DOP1B: variants seen among roughly 807,000 people sequenced by gnomAD.
DOP1B encodes protein DOP1B.
DOP1B carries 174 observed loss-of-function variants against 233.5 expected under a neutral mutation model. That is an observed-to-expected ratio of 0.75 (90% confidence interval 0.66 to 0.85). The LOEUF is 0.85. Among genes scored for constraint, DOP1B ranks in the 40% least tolerant of loss-of-function variants. The pLI is 0.00. For synonymous variants in DOP1B, 1,190 were observed against 1,185.6 expected (o/e 1.00, Z -0.08); for missense variants, 2,652 against 2,846.6 (o/e 0.93, Z 1.56).
intron 18 of DOP1B, 148 bp from the exon 19 acceptor site, chr21:36,244,899 TG>T: frequency 1.3e-6 from 1 of 743,416 alleles, no homozygotes; most frequent in South Asian, 2.3e-5. Context: ...TTGTCTGTAA[TG>T]TAAACCGGAC....
In DOP1B at chr21:36,248,581, C is replaced by T. The variant is rs545441418; in HGVS notation, c.4998+13C>T. 17 of 1,592,754 alleles carry T rather than the reference C, an allele frequency of 1.1e-5. No individual in the cohort carries two copies. The highest frequency in any genetic ancestry group is 8.1e-5 in the African/African-American group (6 of 74,100). On this transcript the variant is annotated intron_variant, in intron 21 of 36. Coordinates refer to ENST00000691173, the MANE Select transcript of DOP1B (RefSeq NM_001320714.2). ...TAAAACCACCAAAGTAAGAGGATGT[C>T]TCTGTAGTTCTGTCATTTACTTGGT...
In DOP1B at chr21:36,199,260, G is replaced by A; in HGVS notation, c.320+9G>A. Reference sequence around the variant, plus strand: ...GACTTGTTTCTGTACAGGTGCGATTGCTTCTCTGCTGTGTTCCTTTTTATT... The same window carrying A: ...GACTTGTTTCTGTACAGGTGCGATTACTTCTCTGCTGTGTTCCTTTTTATT... On this transcript the variant is annotated intron_variant, in intron 3 of 36. Coordinates refer to ENST00000691173, the MANE Select transcript of DOP1B (RefSeq NM_001320714.2). 2 of 1,608,984 alleles carry A rather than the reference G, an allele frequency of 1.2e-6. No homozygotes were observed. Among genetic ancestry groups the A allele is most frequent in the Non-Finnish European group, 1.7e-6 (2 of 1,177,864 alleles).
At chr21:36,195,358 AAAAAT>A (rs1243733759) in intron 2 of DOP1B, among the ~76,000 whole-genome samples, 96 of 143,988 alleles carry the variant, frequency 6.7e-4, no homozygotes, top group African/African-American at 2.4e-3. Flanking sequence ...AAAAAAAAAA[AAAAAT>A]CCCCCCAAAA....
At chr21:36,184,952 G>A (rs1285021110) in intron 2 of DOP1B, among the ~76,000 whole-genome samples, 1 of 152,120 alleles carries the variant, frequency 6.6e-6, no homozygotes, top group Non-Finnish European at 1.5e-5. Flanking sequence ...TTCTGTTCTG[G>A]GTGTGACTTT....
chr21:36,204,687 C>T (rs1423380477), intron 4 of DOP1B, among the ~76,000 whole-genome samples: 1 of 105,238 alleles, frequency 9.5e-6, no homozygotes, highest in Non-Finnish European at 1.9e-5. Flanking sequence ...GACAGTCTCG[C>T]TCTGTCGCCC....
At position 36,232,668 on chromosome 21, in the gene DOP1B, G is replaced by A. The variant is rs150922572; in HGVS notation, c.2351-136G>A. ...TATTTCCAAATAAGTCTCACCAGCG[G>A]GAGGTTAGCGCACTGCTGTCCAGGT... On this transcript the variant is annotated intron_variant, in intron 14 of 36. Coordinates refer to ENST00000691173, the MANE Select transcript of DOP1B (RefSeq NM_001320714.2). 2.7e-4 allele frequency: 314 copies of A among 1,159,392 alleles called. 4 individuals are homozygous for A. Among genetic ancestry groups the A allele is most frequent in the Middle Eastern group, 1.8e-3 (6 of 3,340 alleles). The allele number at this position is 1,159,392 out of a possible 1,614,324, so 71.8% of individuals were successfully genotyped here.
At chr21:36,214,704 T>A in intron 9 of DOP1B, 148 bp downstream of exon 9, 1 of 786,194 alleles carries the variant, frequency 1.3e-6, no homozygotes, top group South Asian at 1.7e-5. Flanking sequence ...TGTTATATGG[T>A]TCAATGATCA....
At chr21:36,248,669 C>A in intron 21 of DOP1B, 101 bp downstream of exon 21, 1 of 1,133,214 alleles carries the variant, frequency 8.8e-7, no homozygotes, top group South Asian at 2.4e-5. Context: ...CAGATGTGCT[C>A]AATGAAACCC....
intron 27 of DOP1B, 42 bp from the exon 28 acceptor site, chr21:36,276,979 A>G (rs776243574): frequency 2.5e-6 from 4 of 1,604,464 alleles, no homozygotes; most frequent in Non-Finnish European, 2.6e-6. Flanking sequence ...ATGGTGACCC[A>G]TCCATCATAG....
chr21:36,167,515 A>G (rs1387903884), intron 2 of DOP1B, among the ~76,000 whole-genome samples: 2 of 152,164 alleles, frequency 1.3e-5, no homozygotes, highest in Non-Finnish European at 2.9e-5. Flanking sequence ...AGTCTTCATT[A>G]TTTCTGTTTT....
chr21:36,240,257 A>G (rs561085251), intron 18 of DOP1B, among the ~76,000 whole-genome samples: 1 of 152,162 alleles, frequency 6.6e-6, no homozygotes, highest in Non-Finnish European at 1.5e-5. Flanking sequence ...AGGCAGGTGG[A>G]TCACCTGAGG....
intron 15 of DOP1B, among the ~76,000 whole-genome samples, chr21:36,234,816 C>T (rs762026213): frequency 3.9e-5 from 6 of 152,068 alleles, no homozygotes; most frequent in Non-Finnish European, 8.8e-5. Flanking sequence ...GCCTTACAGG[C>T]GTGAGCCACC....
chr21:36,239,789 C>T lies in DOP1B; in HGVS notation c.2901C>T (p.Ser967=), dbSNP rs1490860459. Residue 967 remains serine, a synonymous_variant, in exon 18 of 37, where the codon AGC becomes AGT. Coordinates refer to ENST00000691173, the MANE Select transcript of DOP1B (RefSeq NM_001320714.2). ...GGTCCTTGTTTGTCGTGCTGGACAG[C>T]CTGGCCTGCACGGATGGTGCCATCG... ...FDRSLFVVLD[S]LACTDGAIGA... is the part of the protein sequence containing the mutation. 1 of 1,551,372 alleles carries T rather than the reference C, an allele frequency of 6.4e-7. No individual in the cohort carries two copies.
chr21:36,276,840 C>CAAAAAA (rs57389991), intron 27 of DOP1B, among the ~76,000 whole-genome samples, 181 bp from the exon 28 acceptor site: 4 of 106,214 alleles, frequency 3.8e-5, no homozygotes, highest in African/African-American at 7.1e-5. Flanking sequence ...GACTCCATCT[C>CAAAAAA]AAAAAAAAAA....
intron 15 of DOP1B, among the ~76,000 whole-genome samples, chr21:36,236,759 T>C (rs2066831428): frequency 6.8e-6 from 1 of 148,034 alleles, no homozygotes; most frequent in Non-Finnish European, 1.5e-5. Context: ...CCTTTTTTTC[T>C]TTTTTCTTTT....
chr21:36,181,093 A>G (rs748120632), intron 2 of DOP1B, among the ~76,000 whole-genome samples: 10 of 152,198 alleles, frequency 6.6e-5, no homozygotes, highest in Non-Finnish European at 1.2e-4. Flanking sequence ...ACAGTGTTGA[A>G]TAGCAATGTT....
chr21:36,280,405 C>A, intron 31 of DOP1B, 59 bp downstream of exon 31: 1 of 1,255,332 alleles, frequency 8.0e-7, no homozygotes, highest in Admixed American at 1.9e-5. Context: ...CCAATATAAC[C>A]AGCTTTCATC....
intron 3 of DOP1B, 81 bp downstream of exon 3, chr21:36,199,332 C>T (rs891383297): frequency 2.0e-6 from 3 of 1,527,126 alleles, no homozygotes; most frequent in African/African-American, 1.4e-5. Context: ...AAATGACAAA[C>T]AGGCAAAATA....
At chr21:36,162,352 A>G (rs558058905) in intron 1 of DOP1B, among the ~76,000 whole-genome samples, 2 of 151,976 alleles carry the variant, frequency 1.3e-5, no homozygotes, top group South Asian at 2.1e-4. Flanking sequence ...GTGCCACTAC[A>G]CCCTGCTAAT....
Sources: allele counts gnomAD v4.1 joint callset (sites outside exome capture counted in the v4.1 genomes callset), GRCh38; gene constraint gnomAD v4.1.1; transcripts MANE v1.5; gene names NCBI Gene and HGNC (gene_info 2026-07-23, HGNC 2026-07-21).